Variants in CACNA1B observed in about 807,000 individuals in gnomAD.
The protein encoded by CACNA1B is calcium voltage-gated channel subunit alpha1 B.
A neutral mutation model predicts 247.2 loss-of-function variants in CACNA1B; 70 were observed. The observed-to-expected ratio is 0.28, with a 90% CI of 0.23 to 0.35. The LOEUF is 0.35. CACNA1B is among the 10% of genes least tolerant of loss of function. The pLI, the probability that CACNA1B is intolerant of heterozygous loss-of-function variation, is 1.00. For missense variants in CACNA1B, 2,367 were observed against 3,197.4 expected, an observed-to-expected ratio of 0.74 and a Z score of 6.26; for synonymous variants, 1,231 against 1,294.4, an observed-to-expected ratio of 0.95 and a Z score of 1.05.
intron 18 of CACNA1B, among the ~76,000 whole-genome samples, chr9:138,021,854 CATT>C (rs545151539): frequency 3.8e-4 from 58 of 152,238 alleles, no homozygotes; most frequent in Non-Finnish European, 5.6e-4. Flanking sequence ...CCATGGCCCT[CATT>C]GTTGGTGTAG....
chr9:138,000,348 T>G (rs1398583926), intron 15 of CACNA1B, among the ~76,000 whole-genome samples: 3 of 152,178 alleles, frequency 2.0e-5, no homozygotes, highest in Non-Finnish European at 4.4e-5. Flanking sequence ...TCAGCCCGCC[T>G]TGGCCTCCCA....
chr9:138,010,911 G>A lies in CACNA1B; in HGVS notation c.2160+834G>A, dbSNP rs1958716072. Among the ~76,000 whole-genome samples, 3 of 152,174 alleles carry A rather than the reference G, an allele frequency of 2.0e-5. No individual in the cohort carries two copies. Among genetic ancestry groups the A allele is most frequent in the Non-Finnish European group, 2.9e-5 (2 of 68,024 alleles). ...CTGTCCATGGGCAGCAGAGATGCAG[G>A]TGTGCCACAGAGCTTCTCCAAGAGT... On this transcript the variant is annotated intron_variant, in intron 17 of 46. Transcript: ENST00000371372. This position sits in a 1 kb window ranked among gnomAD's most constrained non-coding sequence, Gnocchi z 5.3.
chr9:138,121,291 G>A lies in CACNA1B; in HGVS notation c.6490-178G>A, dbSNP rs929936013. Among the ~76,000 whole-genome samples the A allele has an allele frequency of 2.0e-5, 3 of 151,698 alleles. No individual in the cohort carries two copies. The highest frequency in any genetic ancestry group is 6.6e-5 in the Admixed American group (1 of 15,240). On this transcript the variant is annotated intron_variant, in intron 46 of 46. Transcript: ENST00000371372. This position sits in a 1 kb window ranked among gnomAD's most constrained non-coding sequence, Gnocchi z 6.8. ...ATTCCTGGGCCTGACCCTGACCATC[G>A]CCCTCCCCCGCACACAGGTGCCTGT...
At chr9:137,931,663 A>AT (rs143565483) in intron 6 of CACNA1B, among the ~76,000 whole-genome samples, 2,074 of 151,806 alleles carry the variant, frequency 0.014, 51 homozygotes, top group African/African-American at 0.047. Flanking sequence ...GTTCCTACCT[A>AT]TTGGGGATCA....
intron 18 of CACNA1B, 46 bp from the exon 19 acceptor site, chr9:138,022,965 G>A (rs1485453812): frequency 1.0e-5 from 15 of 1,448,984 alleles, no homozygotes; most frequent in Admixed American, 9.9e-5. Flanking sequence ...GGAGAGCGGC[G>A]GGCGGGCGGC....
At chr9:137,939,004 A>C (rs1459409429) in intron 6 of CACNA1B, among the ~76,000 whole-genome samples, 2 of 152,054 alleles carry the variant, frequency 1.3e-5, no homozygotes, top group South Asian at 4.2e-4. Flanking sequence ...CCAGAGGTGG[A>C]GGTTGCAGTG....
At chr9:137,997,187 A>G (rs1318537052) in intron 15 of CACNA1B, among the ~76,000 whole-genome samples, 1 of 152,218 alleles carries the variant, frequency 6.6e-6, no homozygotes, top group Non-Finnish European at 1.5e-5. Context: ...CTGGATGGGC[A>G]TGTAGGGCTC....
intron 12 of CACNA1B, among the ~76,000 whole-genome samples, chr9:137,981,694 G>T (rs971438064): frequency 1.7e-4 from 26 of 152,162 alleles, no homozygotes; most frequent in African/African-American, 6.3e-4. Context: ...GGTCGGGCTG[G>T]TCCCGAACTC....
At chr9:138,065,879 G>T (rs982633860) in intron 31 of CACNA1B, among the ~76,000 whole-genome samples, 3 of 152,024 alleles carry the variant, frequency 2.0e-5, no homozygotes, top group Non-Finnish European at 4.4e-5. Flanking sequence ...CAAGATGAAG[G>T]TTTCAGCAGT....
chr9:138,067,802 A>G (rs372694099), intron 31 of CACNA1B, among the ~76,000 whole-genome samples: 2 of 152,298 alleles, frequency 1.3e-5, no homozygotes, highest in East Asian at 3.9e-4. Context: ...TGTGCATACA[A>G]CTCAGCAACT....
At position 138,010,983 on chromosome 9, in the gene CACNA1B, A is replaced by AG. The variant is rs1002203445; in HGVS notation, c.2160+912dup. On this transcript the variant is annotated intron_variant, in intron 17 of 46. Transcript: ENST00000371372. This position sits in a 1 kb window ranked among gnomAD's most constrained non-coding sequence, Gnocchi z 5.3. ...GCTCCCCCCAGCCGAGCTCTCCAGG[A>AG]GGGGGGTGTGGTCCATGCGGTGTGC... Among the ~76,000 whole-genome samples, 1 of 152,046 alleles carries AG rather than the reference A, an allele frequency of 6.6e-6. No individual in the cohort carries two copies. The highest frequency in any genetic ancestry group is 2.4e-5 in the African/African-American group (1 of 41,392).
chr9:137,977,601 C>T (rs1236768450), intron 12 of CACNA1B, among the ~76,000 whole-genome samples: 3 of 152,168 alleles, frequency 2.0e-5, no homozygotes, highest in African/African-American at 7.2e-5. Context: ...GAGCACAGGA[C>T]ACTTCCTGGG....
chr9:137,912,882 C>T (rs1957373156), intron 3 of CACNA1B, among the ~76,000 whole-genome samples: 1 of 152,200 alleles, frequency 6.6e-6, no homozygotes, highest in Non-Finnish European at 1.5e-5. Flanking sequence ...GGCCAAGTGT[C>T]TATTCAGAGA....
At chr9:138,031,268 A>G (rs1272561451) in intron 20 of CACNA1B, among the ~76,000 whole-genome samples, 1 of 152,162 alleles carries the variant, frequency 6.6e-6, no homozygotes, top group African/African-American at 2.4e-5. Flanking sequence ...TCCTTTGAGA[A>G]GACTCATGGA....
chr9:137,878,264 G>C, intron 1 of CACNA1B, 47 bp downstream of exon 1: 1 of 1,156,234 alleles, frequency 8.6e-7, no homozygotes, highest in Non-Finnish European at 1.1e-6. Flanking sequence ...GGACCGGGGT[G>C]GGGGCCGGGG....
intron 32 of CACNA1B, among the ~76,000 whole-genome samples, chr9:138,070,337 A>G (rs1053866926): frequency 6.6e-6 from 1 of 152,132 alleles, no homozygotes; most frequent in Non-Finnish European, 1.5e-5. Context: ...TGTCTTCATG[A>G]TTCAGGAGGG....
chr9:137,894,302 A>ATTTTTTTTTTTT (rs56794355), intron 3 of CACNA1B, among the ~76,000 whole-genome samples: 1 of 96,072 alleles, frequency 1.0e-5, no homozygotes, highest in Non-Finnish European at 2.3e-5. Context: ...TTGTCTCTGT[A>ATTTTTTTTTTTT]TTTTTTTTTT....
intron 3 of CACNA1B, among the ~76,000 whole-genome samples, chr9:137,885,885 T>A (rs1323728430): frequency 1.4e-5 from 2 of 145,932 alleles, no homozygotes; most frequent in African/African-American, 5.1e-5. Context: ...CCTAGGCCTG[T>A]GAGGGCTGCT....
At position 137,974,614 on chromosome 9, in the gene CACNA1B, T is replaced by C. The variant is rs1250163149; in HGVS notation, c.1544-1293T>C. Reference sequence around the variant, plus strand: ...TGTCTGGACCTGTGCAGCACAGCCCTTGGTGGAGGAGATTTTAGGAGCATA... The same window carrying C: ...TGTCTGGACCTGTGCAGCACAGCCCCTGGTGGAGGAGATTTTAGGAGCATA... On this transcript the variant is annotated intron_variant, in intron 11 of 46. Transcript: ENST00000371372. The surrounding 1 kb of genome is among the most constrained non-coding windows in gnomAD (Gnocchi z 4.5). Among the ~76,000 whole-genome samples, 7 of 152,160 alleles carry C rather than the reference T, an allele frequency of 4.6e-5. No homozygotes were observed. The highest frequency in any genetic ancestry group is 5.9e-5 in the Non-Finnish European group (4 of 68,006).
Sources: gnomAD v4.1 joint callset for allele counts (sites outside exome capture counted in the v4.1 genomes callset) on GRCh38, gnomAD v4.1.1 for gene constraint, Gnocchi (gnomAD v3.1) non-coding constraint, MANE v1.5 for transcripts, NCBI Gene and HGNC (gene_info 2026-07-23, HGNC 2026-07-21) for gene names.